The following RYR1 variants were observed in gnomAD, a reference collection of about 807,000 sequenced individuals.
RYR1 encodes the protein central core disease of muscle.
RYR1 carries 342 observed loss-of-function variants against 583.5 expected under a neutral mutation model. The ratio of observed to expected loss-of-function variants is 0.59; its 90% confidence interval spans 0.54 to 0.64. RYR1 has a LOEUF of 0.64. Among genes scored for constraint, RYR1 ranks in the 30% least tolerant of loss-of-function variants. The pLI is 0.00. For synonymous variants in RYR1, 2,791 were observed against 2,822.5 expected (o/e 0.99, Z 0.35); for missense variants, 6,032 against 6,917.2 (o/e 0.87, Z 4.54).
chr19:38,435,335 A>C (rs1045275550), intron 1 of RYR1, among the ~76,000 whole-genome samples: 1 of 152,174 alleles, frequency 6.6e-6, no homozygotes, highest in Non-Finnish European at 1.5e-5. Context: ...CAGACTTGCC[A>C]AAGTAGTCAG....
intron 88 of RYR1, 93 bp downstream of exon 88, chr19:38,546,619 A>G: frequency 2.1e-6 from 2 of 956,298 alleles, no homozygotes; most frequent in Non-Finnish European, 3.4e-6. Flanking sequence ...CTAATCCTCA[A>G]CCCCATCTGA....
intron 29 of RYR1, among the ~76,000 whole-genome samples, chr19:38,476,268 G>A (rs914592526): frequency 1.1e-4 from 17 of 152,112 alleles, no homozygotes; most frequent in East Asian, 7.7e-4. Context: ...GCGCGATCTC[G>A]GCTCACTGCA....
chr19:38,579,973 T>C lies in RYR1; in HGVS notation c.14365-9T>C. The C allele has an allele frequency of 6.2e-7, 1 of 1,614,094 alleles. No individual in the cohort carries two copies. ...CTTCCCCCTGACCCCTGGCCCTGTGTGCCCACAGTCCTTCCTGTACCTGGG... is the reference window on the plus strand; with the variant it reads ...CTTCCCCCTGACCCCTGGCCCTGTGCGCCCACAGTCCTTCCTGTACCTGGG... On this transcript the variant is annotated splice_polypyrimidine_tract_variant and intron_variant, in intron 99 of 105. Transcript: ENST00000359596.
At chr19:38,509,572 C>T (rs936364716) in intron 58 of RYR1, among the ~76,000 whole-genome samples, 3 of 151,690 alleles carry the variant, frequency 2.0e-5, no homozygotes, top group Admixed American at 6.6e-5. Flanking sequence ...CTGCCTCAGC[C>T]TCCCGAGTAG....
chr19:38,552,092 T>C (rs918775562), intron 89 of RYR1, among the ~76,000 whole-genome samples: 17 of 152,126 alleles, frequency 1.1e-4, no homozygotes, highest in Admixed American at 9.8e-4. Flanking sequence ...GGACTCCAGG[T>C]GTGTGCCACC....
chr19:38,562,540 G>C (rs1973195098), intron 90 of RYR1, among the ~76,000 whole-genome samples: 1 of 152,072 alleles, frequency 6.6e-6, no homozygotes, highest in South Asian at 2.1e-4. Flanking sequence ...TCCTTCATGA[G>C]TGGGCCCTTC....
chr19:38,462,887 T>TC (rs1453477381), intron 20 of RYR1, among the ~76,000 whole-genome samples: 1 of 92,702 alleles, frequency 1.1e-5, no homozygotes, highest in Non-Finnish European at 2.1e-5. Flanking sequence ...TAATACTCTC[T>TC]CTTCTTTTTT....
At chr19:38,465,642 T>C (rs941432358) in intron 23 of RYR1, among the ~76,000 whole-genome samples, 1 of 151,980 alleles carries the variant, frequency 6.6e-6, no homozygotes, top group Non-Finnish European at 1.5e-5. Flanking sequence ...CACATGCCTG[T>C]AATCCCTGCT....
intron 65 of RYR1, 49 bp downstream of exon 65, chr19:38,516,266 C>T (rs1970967209): frequency 6.4e-7 from 1 of 1,560,186 alleles, no homozygotes; most frequent in Non-Finnish European, 8.7e-7. Flanking sequence ...ATCTCCCCAG[C>T]ACAGGGCCTT....
chr19:38,476,126 G>C (rs529623388), intron 29 of RYR1, among the ~76,000 whole-genome samples: 2 of 152,052 alleles, frequency 1.3e-5, no homozygotes, highest in Admixed American at 1.3e-4. Flanking sequence ...GGGTTCAAAC[G>C]ATTCTCCTGC....
At position 38,483,492 on chromosome 19, in the gene RYR1, C is replaced by T. The variant is rs569890286; in HGVS notation, c.4910C>T (p.Ala1637Val). 35 of 1,555,270 alleles carry T rather than the reference C, an allele frequency of 2.3e-5. No individual in the cohort carries two copies. The highest frequency in any genetic ancestry group is 1.6e-4 in the African/African-American group (12 of 73,928). The stretch of plus-strand genomic sequence containing the variant: ...TGCCAGGAGCCGCTGACCATGATGG[C>T]GCTGCACATCCCCGAGGAGAACCGG... ...VQCQEPLTMM[A>V]LHIPEENRCM... Residue 1637 changes from alanine (A) to valine (V), a missense_variant, in exon 33 of 106, where the codon GCG becomes GTG. This residue lies in a region of RYR1 where 2,627 missense variants were observed against 2,961.3 expected (regional missense o/e 0.89). Transcript: ENST00000359596. This position sits in a 1 kb window ranked among gnomAD's most constrained non-coding sequence, Gnocchi z 6.3.
Position 38,510,788 on chromosome 19 carries a change from C to T in RYR1, c.9122+7C>T, listed in dbSNP as rs199667629. On this transcript the variant is annotated splice_region_variant and intron_variant, in intron 60 of 105. Transcript: ENST00000359596. ...AGAAGGAAATGATCACCAGGTGGGCCGCCTGTGACCCTGGACCCAGCCCCC... is the reference window on the plus strand; with the variant it reads ...AGAAGGAAATGATCACCAGGTGGGCTGCCTGTGACCCTGGACCCAGCCCCC... 88 of 1,614,130 alleles carry T rather than the reference C, an allele frequency of 5.5e-5. No homozygotes were observed. The East Asian group carries it at 8.5e-4, about 16-fold the overall frequency.
At chr19:38,571,144 T>C (rs1479124263) in intron 94 of RYR1, among the ~76,000 whole-genome samples, 2 of 152,156 alleles carry the variant, frequency 1.3e-5, no homozygotes, top group Non-Finnish European at 2.9e-5. Flanking sequence ...AAAGGGACCC[T>C]TGGGGTCTTG....
At chr19:38,517,718 A>T in intron 66 of RYR1, 27 bp downstream of exon 66, 6 of 1,569,136 alleles carry the variant, frequency 3.8e-6, no homozygotes, top group Non-Finnish European at 5.3e-6. Flanking sequence ...TGGGCCTCTG[A>T]GGGGTGGGTC....
rs1023501245 is a variant in RYR1 at position 38,561,866 on chromosome 19, C to A, written c.12624+412C>A. 6.6e-6 allele frequency among the ~76,000 whole-genome samples: 1 copy of A among 152,132 alleles called. No homozygotes were observed. The highest frequency in any genetic ancestry group is 6.6e-5 in the Admixed American group (1 of 15,258). On this transcript the variant is annotated intron_variant, in intron 90 of 105. Coordinates refer to ENST00000359596, the MANE Select transcript of RYR1 (RefSeq NM_000540.3). This position sits in a 1 kb window ranked among gnomAD's most constrained non-coding sequence, Gnocchi z 4.8. Reference sequence around the variant, plus strand: ...ACCCCTTGCTCACCTTCCCAGTAGCCCCCGGCGTGCCGTCTCTTGGTCCTG... The same window carrying A: ...ACCCCTTGCTCACCTTCCCAGTAGCACCCGGCGTGCCGTCTCTTGGTCCTG...
intron 70 of RYR1, 39 bp from the exon 71 acceptor site, chr19:38,525,293 T>C (rs561834367): frequency 1.4e-5 from 22 of 1,612,836 alleles, no homozygotes; most frequent in South Asian, 1.1e-4. Flanking sequence ...AGGCATGGGA[T>C]TGGGGCTTGG....
At chr19:38,547,102 C>T (rs552429371) in intron 88 of RYR1, among the ~76,000 whole-genome samples, 4 of 150,918 alleles carry the variant, frequency 2.7e-5, no homozygotes, top group African/African-American at 7.3e-5. Context: ...TGCGGTGGCG[C>T]GATCTCGGCT....
Position 38,578,211 on chromosome 19 carries a change from AG to A in RYR1, c.14364+11del. On this transcript the variant is annotated splice_region_variant and intron_variant, in intron 99 of 105. Transcript: ENST00000359596. Reference sequence around the variant, plus strand: ...GGTCATCTTCACAGACAACGTGAGCAGGGGCCCACAGACTGGGGAGGGACTC... The same window carrying A: ...GGTCATCTTCACAGACAACGTGAGCAGGGCCCACAGACTGGGGAGGGACTC... 6.2e-7 allele frequency: 1 copy of A among 1,613,098 alleles called. No homozygotes were observed. The highest frequency in any genetic ancestry group is 8.5e-7 in the Non-Finnish European group (1 of 1,179,586).
intron 96 of RYR1, among the ~76,000 whole-genome samples, chr19:38,573,659 A>C (rs1485604051): frequency 6.6e-6 from 1 of 151,754 alleles, no homozygotes; most frequent in East Asian, 1.9e-4. Flanking sequence ...CAGCCTGGGC[A>C]ACAAGAGTGA....
Sources: allele counts gnomAD v4.1 joint callset (sites outside exome capture counted in the v4.1 genomes callset), GRCh38; gene constraint gnomAD v4.1.1; regional missense constraint gnomAD v4.1.1; non-coding constraint Gnocchi (gnomAD v3.1); transcripts MANE v1.5; gene names NCBI Gene and HGNC (gene_info 2026-07-23, HGNC 2026-07-21).